Variants in ST3GAL2 observed in about 807,000 individuals in gnomAD.
The protein encoded by ST3GAL2 is ST3 beta-galactoside alpha-2,3-sialyltransferase 2.
A neutral mutation model predicts 37.5 loss-of-function variants in ST3GAL2; 16 were observed. That is an observed-to-expected ratio of 0.43 (90% CI 0.29 to 0.65). The LOEUF is 0.65. Among genes scored for constraint, ST3GAL2 ranks in the 30% least tolerant of loss-of-function variants. The pLI, the probability that ST3GAL2 is intolerant of heterozygous loss-of-function variation, is 0.17. For synonymous variants in ST3GAL2, 238 were observed against 202.9 expected, an observed-to-expected ratio of 1.17 and a Z score of -1.47; for missense variants, 383 against 487.8, an observed-to-expected ratio of 0.79 and a Z score of 2.02.
At chr16:70,418,941 A>G (rs2047694397) in intron 1 of ST3GAL2, among the ~76,000 whole-genome samples, 1 of 152,186 alleles carries the variant, frequency 6.6e-6, no homozygotes, top group African/African-American at 2.4e-5. Flanking sequence ...AAGGGCACAC[A>G]GCAGGAAGAG....
At chr16:70,413,426 A>C (rs2151670833) in intron 1 of ST3GAL2, among the ~76,000 whole-genome samples, 1 of 151,482 alleles carries the variant, frequency 6.6e-6, no homozygotes, top group East Asian at 2.0e-4. Context: ...TATAAAAAAT[A>C]AAAAGCTGGC....
At chr16:70,412,176 A>C (rs1413483311) in intron 1 of ST3GAL2, among the ~76,000 whole-genome samples, 3 of 152,062 alleles carry the variant, frequency 2.0e-5, no homozygotes, top group Non-Finnish European at 4.4e-5. Context: ...CCTGTCCAAA[A>C]ATACCTTTAT....
chr16:70,426,558 C>T (rs560119110), intron 1 of ST3GAL2, among the ~76,000 whole-genome samples: 1 of 150,032 alleles, frequency 6.7e-6, no homozygotes, highest in Non-Finnish European at 1.5e-5. Context: ...GTTGCCTAGA[C>T]TGGAGTGCAA....
Position 70,426,063 on chromosome 16 carries a change from C to T in ST3GAL2, c.-1004+12886G>A, listed in dbSNP as rs138175862. Among the ~76,000 whole-genome samples the T allele has an allele frequency of 7.2e-5, 11 of 152,216 alleles. No individual in the cohort carries two copies. The East Asian group carries it at 2.1e-3, about 29-fold the overall frequency. ...CCATGCCTTTTGCTGTCTAGCCATA[C>T]CTTGAACCAGCTGAAGTCCTCAGGA... On this transcript the variant is annotated intron_variant, in intron 1 of 6. Transcript: ENST00000342907.
intron 3 of ST3GAL2, among the ~76,000 whole-genome samples, chr16:70,391,556 C>G (rs926007114): frequency 2.0e-5 from 3 of 152,300 alleles, no homozygotes; most frequent in South Asian, 4.1e-4. Context: ...TATGGTCACA[C>G]TGACACAGTC....
At chr16:70,438,204 G>A (rs1487488954) in intron 1 of ST3GAL2, among the ~76,000 whole-genome samples, 1 of 152,238 alleles carries the variant, frequency 6.6e-6, no homozygotes, top group African/African-American at 2.4e-5. Context: ...GCGGCAGGAA[G>A]CTAAGGGGAG....
At chr16:70,415,297 C>T (rs2047668461) in intron 1 of ST3GAL2, among the ~76,000 whole-genome samples, 1 of 152,104 alleles carries the variant, frequency 6.6e-6, no homozygotes. Context: ...TGACCCTTAC[C>T]GTGAATACTC....
At chr16:70,426,792 G>A (rs113138829) in intron 1 of ST3GAL2, among the ~76,000 whole-genome samples, 4 of 152,192 alleles carry the variant, frequency 2.6e-5, no homozygotes, top group African/African-American at 4.8e-5. Context: ...TTATAGGCGT[G>A]AGCCACCGCG....
rs1204197338 is a variant in ST3GAL2, at chr16:70,398,536, C to T, written c.-6G>A. 1.9e-6 allele frequency: 3 copies of T among 1,586,500 alleles called. No homozygotes were observed. The highest frequency in any genetic ancestry group is 2.7e-5 in the African/African-American group (2 of 74,492). On this transcript the variant is annotated 5_prime_UTR_variant, in exon 2 of 7. Coordinates refer to ENST00000342907, the MANE Select transcript of ST3GAL2 (RefSeq NM_006927.4). ...ACCCGCAGGGAGCACTTCATGGTGC[C>T]GGCAGGCGGGTGACGGTCACCGTGG...
chr16:70,423,724 T>C (rs2047731478), intron 1 of ST3GAL2, among the ~76,000 whole-genome samples: 1 of 149,334 alleles, frequency 6.7e-6, no homozygotes, highest in Admixed American at 6.7e-5. Context: ...TTGCCCAGGC[T>C]GGAGTGCAAT....
At chr16:70,400,824 G>A (rs1039261469) in intron 1 of ST3GAL2, 3 of 152,280 alleles carry the variant, frequency 2.0e-5, no homozygotes, top group Admixed American at 1.3e-4. Flanking sequence ...TGGCTTCTCA[G>A]GGTCGAAAGT....
At chr16:70,397,187 C>T (rs375875110) in intron 2 of ST3GAL2, among the ~76,000 whole-genome samples, 5 of 151,406 alleles carry the variant, frequency 3.3e-5, no homozygotes, top group South Asian at 4.2e-4. Context: ...ATTACAGGCA[C>T]GCACCACCAT....
At chr16:70,428,182 T>C (rs574802959) in intron 1 of ST3GAL2, among the ~76,000 whole-genome samples, 1 of 152,324 alleles carries the variant, frequency 6.6e-6, no homozygotes, top group Admixed American at 6.5e-5. Flanking sequence ...ATGAGCTCAG[T>C]CTTGCCAGGT....
At chr16:70,434,379 G>A (rs1360662919) in intron 1 of ST3GAL2, among the ~76,000 whole-genome samples, 1 of 151,354 alleles carries the variant, frequency 6.6e-6, no homozygotes, top group African/African-American at 2.4e-5. Context: ...AGAGGTTGCA[G>A]TGAGCCGAGA....
At chr16:70,408,034 C>T (rs1000039248) in intron 1 of ST3GAL2, among the ~76,000 whole-genome samples, 23 of 152,092 alleles carry the variant, frequency 1.5e-4, no homozygotes, top group Non-Finnish European at 2.6e-4. Flanking sequence ...AGCCTGAGGA[C>T]GTGTCCCAAA....
chr16:70,396,382 A>G (rs1484417939), intron 2 of ST3GAL2, among the ~76,000 whole-genome samples: 1 of 151,774 alleles, frequency 6.6e-6, no homozygotes, highest in Admixed American at 6.6e-5. Context: ...GTGGGTGAGC[A>G]GGGCCTGCTC....
chr16:70,384,539 T>C (rs902973980), intron 4 of ST3GAL2, among the ~76,000 whole-genome samples: 6 of 151,380 alleles, frequency 4.0e-5, no homozygotes, highest in South Asian at 2.1e-4. Context: ...ACCCTGTCTC[T>C]ACTAAAAATA....
rs755183165 is a variant in ST3GAL2, at chr16:70,398,317, AG to A, written c.213del (p.Cys72ValfsTer42). ...CCGGCATCGCCCATGCAGCGGCGAC[AG>A]GCACAGCTCTTGCCCGAGAGCCTCT... ...SKERLSGKSC[A>X]CRRCMGDAGA... On this transcript the variant is annotated frameshift_variant, in exon 2 of 7. Coordinates refer to ENST00000342907, the MANE Select transcript of ST3GAL2 (RefSeq NM_006927.4). LOFTEE classifies it high-confidence loss of function. 1 of 1,613,426 alleles carries A rather than the reference AG, an allele frequency of 6.2e-7. No individual in the cohort carries two copies. Among genetic ancestry groups the A allele is most frequent in the Non-Finnish European group, 8.5e-7 (1 of 1,180,032 alleles).
At chr16:70,383,052 C>T (rs754527777) in intron 5 of ST3GAL2, 128 bp from the exon 6 acceptor site, 131 of 1,581,664 alleles carry the variant, frequency 8.3e-5, no homozygotes, top group Non-Finnish European at 1.1e-4. Flanking sequence ...TCGTGTGGCA[C>T]CTGCTAGGGT....
Sources: gnomAD v4.1 joint callset for allele counts (sites outside exome capture counted in the v4.1 genomes callset) on GRCh38, gnomAD v4.1.1 for gene constraint, MANE v1.5 for transcripts, NCBI Gene and HGNC (gene_info 2026-07-23, HGNC 2026-07-21) for gene names.